The following IMMP1L variants were observed in gnomAD, a reference collection of about 807,000 sequenced individuals.
IMMP1L encodes the protein inner mitochondrial membrane peptidase subunit 1, also known as mitochondrial inner membrane protease subunit 1.
Under a neutral mutation model 21.8 loss-of-function variants are expected in IMMP1L, and 24 were observed. The observed-to-expected ratio is 1.10, with a 90% confidence interval of 0.80 to 1.55. IMMP1L has a LOEUF of 1.55. Ranked by LOEUF, IMMP1L falls within the 40% of genes most tolerant of loss-of-function variation. The probability of loss-of-function intolerance (pLI) is 0.00; values close to 1 mark genes in which losing one functional copy is unlikely to be tolerated. For synonymous variants in IMMP1L, 46 were observed against 62.8 expected (o/e 0.73, Z 1.26); for missense variants, 195 against 200.7 (o/e 0.97, Z 0.17).
At chr11:31,485,666 C>G (rs570693039) in intron 1 of IMMP1L, among the ~76,000 whole-genome samples, 1 of 151,746 alleles carries the variant, frequency 6.6e-6, no homozygotes, top group African/African-American at 2.4e-5. Context: ...ATGAGTCAAA[C>G]GGAAGGCACT....
At chr11:31,493,862 T>C (rs1955336980) in intron 1 of IMMP1L, among the ~76,000 whole-genome samples, 2 of 152,226 alleles carry the variant, frequency 1.3e-5, no homozygotes, top group South Asian at 4.1e-4. Flanking sequence ...ATGATCTCCT[T>C]TGACTCCATG....
At chr11:31,471,305 G>A (rs965951383) in intron 1 of IMMP1L, among the ~76,000 whole-genome samples, 1 of 152,054 alleles carries the variant, frequency 6.6e-6, no homozygotes. Flanking sequence ...CTCAATGAAG[G>A]TGTTAACCCG....
intron 4 of IMMP1L, among the ~76,000 whole-genome samples, chr11:31,436,638 G>T (rs1018958612): frequency 6.6e-6 from 1 of 151,922 alleles, no homozygotes; most frequent in African/African-American, 2.4e-5. Flanking sequence ...CACCATGTTG[G>T]CCAGGCTGGT....
intron 1 of IMMP1L, among the ~76,000 whole-genome samples, chr11:31,496,977 TATG>T (rs1346361019): frequency 7.8e-6 from 1 of 127,592 alleles, no homozygotes; most frequent in African/African-American, 3.7e-5. Flanking sequence ...ATCTATTATA[TATG>T]ATAATCTTAT....
chr11:31,474,696 GA>G (rs1015329729), intron 1 of IMMP1L, among the ~76,000 whole-genome samples: 3 of 151,662 alleles, frequency 2.0e-5, no homozygotes, highest in African/African-American at 7.3e-5. Context: ...AAAAGAATTA[GA>G]AAAAAACACT....
At chr11:31,465,508 T>C in intron 1 of IMMP1L, among the ~76,000 whole-genome samples, 1 of 151,706 alleles carries the variant, frequency 6.6e-6, no homozygotes, top group East Asian at 1.9e-4. Context: ...TTGAGCAAAA[T>C]GAATAAAGCT....
chr11:31,452,226 G>C, intron 4 of IMMP1L: 1 of 984,672 alleles, frequency 1.0e-6, no homozygotes. Flanking sequence ...CATGTTTGTT[G>C]ATAGGAATTT....
intron 1 of IMMP1L, among the ~76,000 whole-genome samples, chr11:31,487,859 A>C (rs746729890): frequency 1.4e-4 from 22 of 152,276 alleles, no homozygotes; most frequent in South Asian, 6.2e-4. Flanking sequence ...CAAGACTATC[A>C]GTACTTTCAT....
chr11:31,509,190 C>G (rs1955906581), intron 1 of IMMP1L, among the ~76,000 whole-genome samples: 1 of 152,182 alleles, frequency 6.6e-6, no homozygotes, highest in East Asian at 1.9e-4. Flanking sequence ...AGAGTTTTCG[C>G]TCTAAGGTTT....
At chr11:31,448,688 T>C (rs1255385360) in intron 4 of IMMP1L, among the ~76,000 whole-genome samples, 3 of 152,194 alleles carry the variant, frequency 2.0e-5, no homozygotes, top group African/African-American at 7.2e-5. Flanking sequence ...TCTTCATATA[T>C]ACATCTTTTC....
intron 1 of IMMP1L, among the ~76,000 whole-genome samples, chr11:31,492,679 T>C (rs1443163562): frequency 6.6e-6 from 1 of 152,208 alleles, no homozygotes; most frequent in African/African-American, 2.4e-5. Context: ...TGGTTAATTT[T>C]CCTAATTTCA....
At chr11:31,484,513 C>T (rs554504904) in intron 1 of IMMP1L, among the ~76,000 whole-genome samples, 1 of 151,830 alleles carries the variant, frequency 6.6e-6, no homozygotes, top group Admixed American at 6.6e-5. Flanking sequence ...TTAACGAACA[C>T]GTTGCCTATA....
At chr11:31,447,120 G>C (rs1392484991) in intron 4 of IMMP1L, among the ~76,000 whole-genome samples, 2 of 152,210 alleles carry the variant, frequency 1.3e-5, no homozygotes, top group Non-Finnish European at 2.9e-5. Context: ...TGGCCCTCAA[G>C]TAAGTGCTCA....
intron 1 of IMMP1L, among the ~76,000 whole-genome samples, chr11:31,478,038 A>G (rs554355999): frequency 1.3e-5 from 2 of 152,318 alleles, no homozygotes; most frequent in East Asian, 3.9e-4. Context: ...GAATAAGCTA[A>G]GGATCACAAA....
chr11:31,449,773 T>C (rs1246927972), intron 4 of IMMP1L, among the ~76,000 whole-genome samples: 1 of 152,196 alleles, frequency 6.6e-6, no homozygotes, highest in Non-Finnish European at 1.5e-5. Flanking sequence ...TTGTGTATAA[T>C]GCTGACATCT....
chr11:31,473,316 T>C (rs545862014), intron 1 of IMMP1L, among the ~76,000 whole-genome samples: 1 of 152,298 alleles, frequency 6.6e-6, no homozygotes, highest in African/African-American at 2.4e-5. Context: ...CCCAAAGTGC[T>C]GGGATTACAG....
At chr11:31,480,608 G>T (rs2133750286) in intron 1 of IMMP1L, among the ~76,000 whole-genome samples, 1 of 152,070 alleles carries the variant, frequency 6.6e-6, no homozygotes, top group African/African-American at 2.4e-5. Context: ...TGAGGCTAAA[G>T]ATGAAATTGA....
At chr11:31,440,446 A>C (rs1244674807) in intron 4 of IMMP1L, among the ~76,000 whole-genome samples, 2 of 152,158 alleles carry the variant, frequency 1.3e-5, no homozygotes, top group Admixed American at 6.5e-5. Flanking sequence ...GCTGGAGTGC[A>C]GTGGTGCAAT....
intron 4 of IMMP1L, chr11:31,437,120 A>G (rs187585465): frequency 1.1e-4 from 48 of 444,498 alleles, no homozygotes; most frequent in Middle Eastern, 3.3e-4. Context: ...ATCCACCTCT[A>G]TAAGTTGCAG....
Sources: gnomAD v4.1 joint callset for allele counts (sites outside exome capture counted in the v4.1 genomes callset) on GRCh38, gnomAD v4.1.1 for gene constraint, MANE v1.5 for transcripts, NCBI Gene and HGNC (gene_info 2026-07-23, HGNC 2026-07-21) for gene names.